The following CTDSPL2 variants were observed in gnomAD, a reference collection of about 807,000 sequenced individuals.
CTDSPL2 encodes CTD small phosphatase like 2, also known as CTD small phosphatase-like protein 2.
CTDSPL2 carries 5 observed loss-of-function variants against 60.0 expected under a neutral mutation model. The ratio of observed to expected loss-of-function variants is 0.08; its 90% CI spans 0.04 to 0.18. The LOEUF (loss-of-function observed/expected upper bound fraction) is 0.18. Ranked by LOEUF, CTDSPL2 falls within the 10% of genes least tolerant of loss-of-function variation. The pLI, the probability that CTDSPL2 is intolerant of heterozygous loss-of-function variation, is 1.00. For synonymous variants in CTDSPL2, 186 were observed against 189.3 expected (o/e 0.98, Z 0.14); for missense variants, 370 against 548.8 (o/e 0.67, Z 3.26).
chr15:44,501,727 G>T lies in CTDSPL2; in HGVS notation c.969+1914G>T, dbSNP rs181292084. On this transcript the variant is annotated intron_variant, in intron 8 of 12. Coordinates refer to ENST00000260327, the MANE Select transcript of CTDSPL2 (RefSeq NM_016396.3). ...TTTGAACCTTATAAGCTATAGAGATGATTGCACTTTAATACGATTTAGTTA... is the reference window on the plus strand; with the variant it reads ...TTTGAACCTTATAAGCTATAGAGATTATTGCACTTTAATACGATTTAGTTA... Among the ~76,000 whole-genome samples, 73 of 152,252 alleles carry T rather than the reference G, an allele frequency of 4.8e-4. No individual in the cohort carries two copies. The Middle Eastern group carries it at 0.01, about 21-fold the overall frequency.
chr15:44,463,395 G>A (rs1294214589), intron 2 of CTDSPL2, among the ~76,000 whole-genome samples: 1 of 152,176 alleles, frequency 6.6e-6, no homozygotes, highest in African/African-American at 2.4e-5. Context: ...GCCCACCTCA[G>A]CCTCCCAGAG....
intron 1 of CTDSPL2, among the ~76,000 whole-genome samples, chr15:44,429,132 T>G (rs2079805411): frequency 6.6e-6 from 1 of 152,230 alleles, no homozygotes; most frequent in Admixed American, 6.5e-5. Flanking sequence ...TATGGTTAAT[T>G]TTCAATAATA....
intron 1 of CTDSPL2, among the ~76,000 whole-genome samples, chr15:44,434,570 T>A (rs1306963407): frequency 6.6e-6 from 1 of 152,292 alleles, no homozygotes; most frequent in African/African-American, 2.4e-5. Flanking sequence ...AGTTTTAAAA[T>A]TTTTAAATAA....
chr15:44,484,330 C>G lies in CTDSPL2; in HGVS notation c.293C>G (p.Ser98Cys), dbSNP rs142680502. ...GGAGAAAAACCTAACAAACAGATATCTCGAGTAAGACGGAAAAGTCAAGTA... is the reference window on the plus strand; with the variant it reads ...GGAGAAAAACCTAACAAACAGATATGTCGAGTAAGACGGAAAAGTCAAGTA... ...RAGEKPNKQI[S>C]RVRRKSQVNG... is the part of the protein sequence containing the mutation. The change falls in exon 3 of 13, where the codon TCT (serine) becomes TGT (cysteine). Residue 98 changes from serine to cysteine, a missense_variant. Transcript: ENST00000260327. 2 of 1,613,680 alleles carry G rather than the reference C, an allele frequency of 1.2e-6. No homozygotes were observed. The highest frequency in any genetic ancestry group is 3.3e-5 in the Admixed American group (2 of 59,978).
chr15:44,494,580 A>G (rs2140815906), intron 5 of CTDSPL2, among the ~76,000 whole-genome samples: 1 of 152,144 alleles, frequency 6.6e-6, no homozygotes, highest in East Asian at 1.9e-4. Context: ...CCTGGGCAAC[A>G]GAGCAGGACC....
At chr15:44,499,026 A>T (rs1157307608) in intron 7 of CTDSPL2, among the ~76,000 whole-genome samples, 5 of 152,194 alleles carry the variant, frequency 3.3e-5, no homozygotes, top group Non-Finnish European at 4.4e-5. Context: ...AGTAGCATGC[A>T]TGTGGGTTTA....
At chr15:44,430,334 C>A (rs1338935080) in intron 1 of CTDSPL2, among the ~76,000 whole-genome samples, 1 of 151,910 alleles carries the variant, frequency 6.6e-6, no homozygotes, top group East Asian at 1.9e-4. Context: ...CAGTAGTGAA[C>A]CCCTGGGCCT....
At position 44,490,800 on chromosome 15, in the gene CTDSPL2, T is replaced by G. The variant is rs766692694; in HGVS notation, c.492T>G (p.Asp164Glu). The G allele has an allele frequency of 5.0e-6, 8 of 1,612,668 alleles. No individual in the cohort carries two copies. The highest frequency in any genetic ancestry group is 6.8e-6 in the Non-Finnish European group (8 of 1,179,940). The part of the protein sequence containing the change: ...PANKNGTSGS[D>E]SPGQAVEAEE... ...TGATTTCAGGAACGTCAGGATCAGATTCTCCAGGACAGGCTGTGGAAGCTG... is the reference window on the plus strand; with the variant it reads ...TGATTTCAGGAACGTCAGGATCAGAGTCTCCAGGACAGGCTGTGGAAGCTG... The change falls in exon 5 of 13, where the codon GAT becomes GAG. Residue 164 changes from aspartate (D) to glutamate (E), a missense_variant. Asp to Glu is a conservative substitution (Grantham distance 45). Transcript: ENST00000260327.
intron 8 of CTDSPL2, among the ~76,000 whole-genome samples, chr15:44,504,847 G>T (rs577749779): frequency 6.6e-6 from 1 of 152,180 alleles, no homozygotes; most frequent in African/African-American, 2.4e-5. Flanking sequence ...ATAGTATAGA[G>T]GATAAAACTA....
At chr15:44,445,286 C>T (rs2080186916) in intron 1 of CTDSPL2, among the ~76,000 whole-genome samples, 1 of 152,010 alleles carries the variant, frequency 6.6e-6, no homozygotes, top group Admixed American at 6.6e-5. Flanking sequence ...TTCCCAGGCT[C>T]AGGTGATCCT....
At chr15:44,440,962 A>G (rs1486957042) in intron 1 of CTDSPL2, among the ~76,000 whole-genome samples, 1 of 152,096 alleles carries the variant, frequency 6.6e-6, no homozygotes, top group African/African-American at 2.4e-5. Flanking sequence ...TTAGATTGGT[A>G]GTTGGCATGT....
At chr15:44,462,700 C>CTTTTTT (rs554319789) in intron 2 of CTDSPL2, among the ~76,000 whole-genome samples, 21 of 83,744 alleles carry the variant, frequency 2.5e-4, no homozygotes, top group African/African-American at 5.3e-4. Context: ...ACACTCAGGA[C>CTTTTTT]TTTTTTTTTT....
chr15:44,430,541 C>T (rs2055061), intron 1 of CTDSPL2, among the ~76,000 whole-genome samples: 7,089 of 152,084 alleles, frequency 0.047, 335 homozygotes, highest in East Asian at 0.24. Context: ...GCCACCAAGC[C>T]GAGTCCAAAA....
At chr15:44,452,120 A>C (rs1291059631) in intron 1 of CTDSPL2, among the ~76,000 whole-genome samples, 1 of 152,196 alleles carries the variant, frequency 6.6e-6, no homozygotes, top group Non-Finnish European at 1.5e-5. Context: ...TGAGACATTT[A>C]TATTGAAATA....
chr15:44,492,491 T>C (rs182938704), intron 5 of CTDSPL2, among the ~76,000 whole-genome samples: 1 of 152,344 alleles, frequency 6.6e-6, no homozygotes, highest in African/African-American at 2.4e-5. Context: ...ATTTGTGACT[T>C]ATGATGGGTT....
chr15:44,439,542 T>TGG (rs2080042339), intron 1 of CTDSPL2, among the ~76,000 whole-genome samples: 2 of 147,168 alleles, frequency 1.4e-5, no homozygotes, highest in African/African-American at 4.9e-5. Flanking sequence ...TATGTTTTTT[T>TGG]TGGGGGGGGG....
intron 8 of CTDSPL2, among the ~76,000 whole-genome samples, chr15:44,503,016 G>T (rs2081404986): frequency 6.6e-6 from 1 of 151,094 alleles, no homozygotes; most frequent in South Asian, 2.1e-4. Context: ...TTTCTCTAGG[G>T]GATTAAAAAA....
intron 2 of CTDSPL2, among the ~76,000 whole-genome samples, chr15:44,481,198 A>T (rs868788633): frequency 6.6e-6 from 1 of 152,228 alleles, no homozygotes; most frequent in Non-Finnish European, 1.5e-5. Context: ...GGATTGGATC[A>T]TTAGGCATTT....
At chr15:44,499,564 A>T (rs1288801282) in intron 7 of CTDSPL2, among the ~76,000 whole-genome samples, 163 bp from the exon 8 acceptor site, 2 of 152,184 alleles carry the variant, frequency 1.3e-5, no homozygotes, top group Non-Finnish European at 2.9e-5. Context: ...GTGACTTTAG[A>T]AACTCCTACC....
Sources: gnomAD v4.1 joint callset for allele counts (sites outside exome capture counted in the v4.1 genomes callset) on GRCh38, gnomAD v4.1.1 for gene constraint, MANE v1.5 for transcripts, NCBI Gene and HGNC (gene_info 2026-07-23, HGNC 2026-07-21) for gene names.